The following CTSK variants were observed in gnomAD, a reference collection of about 807,000 sequenced individuals.
The protein encoded by CTSK is cathepsin K.
A neutral mutation model predicts 40.5 loss-of-function variants in CTSK; 26 were observed. The ratio of observed to expected loss-of-function variants is 0.64; its 90% CI spans 0.47 to 0.89. The LOEUF (loss-of-function observed/expected upper bound fraction) is 0.89. CTSK is among the 40% of genes least tolerant of loss of function. CTSK has a pLI of 0.00. For synonymous variants in CTSK, 132 were observed against 143.2 expected (o/e 0.92, Z 0.56); for missense variants, 292 against 400.1 (o/e 0.73, Z 2.30).
rs60734022 is a variant in CTSK, at chr1:150,807,078, TCTCACACA to T, written c.-1-280_-1-273del. Among the ~76,000 whole-genome samples the T allele has an allele frequency of 0.26, 30,853 of 120,226 alleles. 3,362 individuals carry two copies. Among genetic ancestry groups the T allele is most frequent in the South Asian group, 0.29 (976 of 3,402 alleles). 78.9% of individuals were successfully genotyped at this position (120,226 alleles called of 152,430 possible). A position where few individuals can be genotyped will look rare whatever the true frequency, so the allele number is the denominator to read the frequency against. ...CTGTTTCTCTCTCTGTCTCTCTCTCTCTCACACACACACACACACACACACACACACAC... is the reference window on the plus strand; with the variant it reads ...CTGTTTCTCTCTCTGTCTCTCTCTCTCACACACACACACACACACACACAC... On this transcript the variant is annotated intron_variant, in intron 1 of 7. Coordinates refer to ENST00000271651, the MANE Select transcript of CTSK (RefSeq NM_000396.4).
chr1:150,799,339 T>C, intron 6 of CTSK, 66 bp from the exon 7 acceptor site: 1 of 1,311,928 alleles, frequency 7.6e-7, no homozygotes, highest in Middle Eastern at 1.8e-4. Context: ...GATCTCCCAG[T>C]CTAGGAGACT....
rs952247551 is a variant in CTSK, at chr1:150,808,202, T to C, written c.-2+12A>G. On this transcript the variant is annotated intron_variant, in intron 1 of 7. Coordinates refer to ENST00000271651, the MANE Select transcript of CTSK (RefSeq NM_000396.4). ...TGAAAAGCTAAAAGATCTAGGAAGT[T>C]GCAAACGTTACCTGCTGATGGAAAT... 2 of 152,368 alleles carry C rather than the reference T, an allele frequency of 1.3e-5. No individual in the cohort carries two copies. Among genetic ancestry groups the C allele is most frequent in the African/African-American group, 4.8e-5 (2 of 41,460 alleles). The allele number at this position is 152,368 out of a possible 1,614,324, so 9.4% of individuals were successfully genotyped here. A position where few individuals can be genotyped will look rare whatever the true frequency, so the allele number is the denominator to read the frequency against.
intron 2 of CTSK, 49 bp from the exon 3 acceptor site, chr1:150,806,273 T>C (rs1269531459): frequency 1.2e-6 from 2 of 1,600,540 alleles, no homozygotes; most frequent in East Asian, 2.2e-5. Context: ...CAGTTACATA[T>C]GTAATATTGT....
intron 4 of CTSK, among the ~76,000 whole-genome samples, chr1:150,805,374 G>C (rs1271221021): frequency 6.6e-6 from 1 of 151,914 alleles, no homozygotes; most frequent in Non-Finnish European, 1.5e-5. Flanking sequence ...AGGCCGCGAT[G>C]GCTCATGACT....
At chr1:150,802,363 C>A (rs1654010559) in intron 5 of CTSK, among the ~76,000 whole-genome samples, 2 of 151,534 alleles carry the variant, frequency 1.3e-5, no homozygotes, top group South Asian at 4.2e-4. Context: ...ATTGCTTGAG[C>A]CTAGGAGTTT....
intron 2 of CTSK, 119 bp downstream of exon 2, chr1:150,806,567 G>T: frequency 7.7e-7 from 1 of 1,304,170 alleles, no homozygotes; most frequent in Non-Finnish European, 1.1e-6. Flanking sequence ...ATGAGTTAGG[G>T]AAGAGGGACT....
intron 5 of CTSK, among the ~76,000 whole-genome samples, chr1:150,802,135 G>A (rs587656428): frequency 2.6e-5 from 4 of 151,632 alleles, no homozygotes; most frequent in South Asian, 4.2e-4. Context: ...AAAACTAGCC[G>A]GGCGTGGTTG....
At chr1:150,802,099 G>A (rs1180362829) in intron 5 of CTSK, among the ~76,000 whole-genome samples, 1 of 150,656 alleles carries the variant, frequency 6.6e-6, no homozygotes, top group Non-Finnish European at 1.5e-5. Context: ...CCAACATGGT[G>A]AAACCCTGTC....
At chr1:150,807,069 C>T (rs1041245757) in intron 1 of CTSK, among the ~76,000 whole-genome samples, 3 of 114,358 alleles carry the variant, frequency 2.6e-5, no homozygotes. Flanking sequence ...CTCTCTCTGT[C>T]TCTCTCTCTC....
In CTSK at chr1:150,796,814, G is replaced by A. The variant is rs1220487396; in HGVS notation, c.975C>T (p.Ser325=). The A allele has an allele frequency of 3.7e-6, 6 of 1,613,280 alleles. No homozygotes were observed. Among genetic ancestry groups the A allele is most frequent in the Non-Finnish European group, 5.1e-6 (6 of 1,179,200 alleles). ...NNACGIANLA[S]FPKM is the part of the protein sequence containing the mutation. ...CTGGCTGGAGTCACATCTTGGGGAAGCTGGCCAGGTTGGCAATGCCACAGG... is the reference window on the plus strand; with the variant it reads ...CTGGCTGGAGTCACATCTTGGGGAAACTGGCCAGGTTGGCAATGCCACAGG... Residue 325 remains serine (S), a synonymous_variant, in exon 8 of 8, where the codon AGC becomes AGT. Transcript: ENST00000271651.
At chr1:150,801,421 A>T (rs1388450298) in intron 5 of CTSK, among the ~76,000 whole-genome samples, 1 of 151,808 alleles carries the variant, frequency 6.6e-6, no homozygotes, top group African/African-American at 2.4e-5. Flanking sequence ...ACCTGGCCAC[A>T]TCTCTTCTTT....
chr1:150,796,840 CGTT>C lies in CTSK; in HGVS notation c.946_948del (p.Asn316del), dbSNP rs760596117. ...CTGGCCAGGTTGGCAATGCCACAGGCGTTGTTCTTATTTCGAGCCATGAGGATA... is the reference window on the plus strand; with the variant it reads ...CTGGCCAGGTTGGCAATGCCACAGGCGTTCTTATTTCGAGCCATGAGGATA... On this transcript the variant is annotated inframe_deletion, in exon 8 of 8. Transcript: ENST00000271651. The C allele has an allele frequency of 2.7e-5, 44 of 1,614,112 alleles. No homozygotes were observed. The highest frequency in any genetic ancestry group is 3.6e-5 in the Non-Finnish European group (42 of 1,180,018).
In CTSK at chr1:150,806,700, GCTT is replaced by G. The variant is rs763148656; in HGVS notation, c.103_105del (p.Lys35del). On this transcript the variant is annotated inframe_deletion, in exon 2 of 8. Coordinates refer to ENST00000271651, the MANE Select transcript of CTSK (RefSeq NM_000396.4). Reference sequence around the variant, plus strand: ...ACCCCAGGCACCTTGTTGTTATATTGCTTCCTGTGGGTCTTCTTCCATAGCTCC... The same window carrying G: ...ACCCCAGGCACCTTGTTGTTATATTGCCTGTGGGTCTTCTTCCATAGCTCC... 2.4e-5 allele frequency: 38 copies of G among 1,613,920 alleles called. No homozygotes were observed. The highest frequency in any genetic ancestry group is 6.7e-5 in the Admixed American group (4 of 59,984).
chr1:150,798,807 C>A (rs778068637), intron 7 of CTSK, among the ~76,000 whole-genome samples: 1 of 152,174 alleles, frequency 6.6e-6, no homozygotes, highest in East Asian at 1.9e-4. Context: ...CTCTCTTGCT[C>A]CCTCTCTCAC....
intron 5 of CTSK, among the ~76,000 whole-genome samples, chr1:150,802,002 G>A (rs1653999328): frequency 6.6e-6 from 1 of 151,964 alleles, no homozygotes; most frequent in Non-Finnish European, 1.5e-5. Context: ...AAGGGGTGGG[G>A]CATGGTGGCT....
chr1:150,807,404 C>G, intron 1 of CTSK: 1 of 470,730 alleles, frequency 2.1e-6, no homozygotes, highest in Non-Finnish European at 4.4e-6. Flanking sequence ...CATTGTATAT[C>G]TCCTCATTCT....
chr1:150,806,281 T>G, intron 2 of CTSK, 57 bp from the exon 3 acceptor site: 1 of 1,590,578 alleles, frequency 6.3e-7, no homozygotes, highest in Non-Finnish European at 8.6e-7. Context: ...TATGTAATAT[T>G]GTGAAGGGTT....
At chr1:150,799,731 T>A in intron 5 of CTSK, 22 bp from the exon 6 acceptor site, 1 of 1,611,944 alleles carries the variant, frequency 6.2e-7, no homozygotes, top group Non-Finnish European at 8.5e-7. Flanking sequence ...AAGATTGTAA[T>A]AGGACTAGGA....
intron 3 of CTSK, 30 bp from the exon 4 acceptor site, chr1:150,806,046 C>G: frequency 6.8e-6 from 11 of 1,614,162 alleles, no homozygotes; most frequent in Non-Finnish European, 9.3e-6. Context: ...GGCCAGGCAT[C>G]AGCAGGGAAC....
Sources: allele counts gnomAD v4.1 joint callset (sites outside exome capture counted in the v4.1 genomes callset), GRCh38; gene constraint gnomAD v4.1.1; transcripts MANE v1.5; gene names NCBI Gene and HGNC (gene_info 2026-07-23, HGNC 2026-07-21).